NEO1: variants seen among roughly 807,000 people sequenced by gnomAD.
NEO1 encodes neogenin.
In NEO1, 63 loss-of-function variants were observed where a neutral mutation model predicts 159.7. The observed-to-expected ratio is 0.39, with a 90% CI of 0.32 to 0.49. The LOEUF (loss-of-function observed/expected upper bound fraction) is 0.49. NEO1 is among the 20% of genes least tolerant of loss of function. NEO1 has a pLI of 0.85. For missense variants in NEO1, 1,615 were observed against 1,831.0 expected, an observed-to-expected ratio of 0.88 and a Z score of 2.15; for synonymous variants, 633 against 662.0, an observed-to-expected ratio of 0.96 and a Z score of 0.67.
At chr15:73,241,128 A>G (rs1444133582) in intron 8 of NEO1, among the ~76,000 whole-genome samples, 6 of 152,188 alleles carry the variant, frequency 3.9e-5, no homozygotes, top group Non-Finnish European at 8.8e-5. Context: ...CTGAGTTGCC[A>G]GAGATTTCAG....
chr15:73,210,407 A>T (rs985462203), intron 7 of NEO1, among the ~76,000 whole-genome samples: 5 of 152,226 alleles, frequency 3.3e-5, no homozygotes, highest in Non-Finnish European at 5.9e-5. Context: ...ATTGGCACCA[A>T]CCATCAAGGA....
At chr15:73,097,888 G>A (rs1458246551) in intron 1 of NEO1, among the ~76,000 whole-genome samples, 1 of 144,848 alleles carries the variant, frequency 6.9e-6, no homozygotes, top group African/African-American at 2.6e-5. Flanking sequence ...ATCATTACTA[G>A]GCCTTTTAAG....
chr15:73,187,079 T>G (rs1475641179), intron 7 of NEO1, among the ~76,000 whole-genome samples: 3 of 152,224 alleles, frequency 2.0e-5, no homozygotes, highest in Non-Finnish European at 2.9e-5. Context: ...ATTGTAAGAT[T>G]ATTACTGCAC....
chr15:73,201,120 A>C (rs778506749), intron 7 of NEO1, among the ~76,000 whole-genome samples: 4 of 151,838 alleles, frequency 2.6e-5, no homozygotes, highest in Middle Eastern at 3.2e-3. Context: ...CTTTATAAAT[A>C]ACTAACTTTT....
chr15:73,281,507 G>A (rs111425017), intron 22 of NEO1, among the ~76,000 whole-genome samples: 7 of 151,970 alleles, frequency 4.6e-5, no homozygotes, highest in South Asian at 2.1e-4. Context: ...CACCCGCCTC[G>A]GCCTCCCAAA....
Position 73,249,120 on chromosome 15 carries a change from C to A in NEO1, c.1667C>A (p.Thr556Asn). 6.2e-7 allele frequency: 1 copy of A among 1,614,120 alleles called. No homozygotes were observed. The highest frequency in any genetic ancestry group is 8.5e-7 in the Non-Finnish European group (1 of 1,179,994). The change falls in exon 10 of 29, where the codon ACT (threonine) becomes AAT (asparagine). Residue 556 changes from threonine to asparagine, a missense_variant. Transcript: ENST00000261908. ...RAYAASPTSI[T>N]VTWETPVSGN... ...TATGCAGCTTCGCCTACCTCCATCA[C>A]TGTTACGTGGGAAACACCAGTGTCT...
chr15:73,130,055 G>A (rs972352324), intron 4 of NEO1, among the ~76,000 whole-genome samples: 11 of 152,124 alleles, frequency 7.2e-5, no homozygotes, highest in Non-Finnish European at 1.5e-4. Context: ...GAGTGTGGTG[G>A]CGTGATCTCA....
intron 7 of NEO1, among the ~76,000 whole-genome samples, chr15:73,195,890 AC>A (rs765529964): frequency 1.3e-5 from 2 of 152,208 alleles, no homozygotes; most frequent in Non-Finnish European, 2.9e-5. Context: ...GGAAATAAAA[AC>A]TGCTTGAATT....
chr15:73,137,712 G>C (rs2031915825), intron 5 of NEO1, among the ~76,000 whole-genome samples: 2 of 152,186 alleles, frequency 1.3e-5, no homozygotes, highest in Admixed American at 1.3e-4. Flanking sequence ...GCCCAGGCTG[G>C]TCTCGAACTC....
chr15:73,135,602 A>G (rs1053354965), intron 4 of NEO1, among the ~76,000 whole-genome samples: 1 of 152,218 alleles, frequency 6.6e-6, no homozygotes, highest in African/African-American at 2.4e-5. Flanking sequence ...GGGCTGAAGG[A>G]AGTGAAATTG....
In NEO1 at chr15:73,302,828, G is replaced by C; in HGVS notation, c.*132G>C. The C allele has an allele frequency of 1.2e-6, 1 of 814,572 alleles. No individual in the cohort carries two copies. Among genetic ancestry groups the C allele is most frequent in the Non-Finnish European group, 2.0e-6 (1 of 503,186 alleles). 50.5% of individuals were successfully genotyped at this position (814,572 alleles called of 1,614,324 possible). ...AGAATGAGCCAGCAGACTGGCCAGC[G>C]CCTCTGTGTAGGGCTGGCTCCAGGC... On this transcript the variant is annotated 3_prime_UTR_variant, in exon 29 of 29. Transcript: ENST00000261908.
intron 22 of NEO1, among the ~76,000 whole-genome samples, chr15:73,278,524 G>A (rs1218258562): frequency 1.3e-5 from 2 of 152,132 alleles, no homozygotes; most frequent in African/African-American, 2.4e-5. Flanking sequence ...TCCAAACCAA[G>A]CCAAACAAAT....
intron 7 of NEO1, among the ~76,000 whole-genome samples, chr15:73,235,298 A>G (rs572052066): frequency 1.3e-5 from 2 of 152,204 alleles, no homozygotes; most frequent in Non-Finnish European, 2.9e-5. Context: ...CATGATTCTG[A>G]TGAAGTCTTT....
Position 73,252,944 on chromosome 15 carries a change from C to T in NEO1, c.1895-456C>T, listed in dbSNP as rs372236871. Among the ~76,000 whole-genome samples, 9 of 152,248 alleles carry T rather than the reference C, an allele frequency of 5.9e-5. No individual in the cohort carries two copies. In the East Asian group the frequency reaches 1.7e-3, roughly 29 times the overall value. On this transcript the variant is annotated intron_variant, in intron 11 of 28. Coordinates refer to ENST00000261908, the MANE Select transcript of NEO1 (RefSeq NM_002499.4). ...GGCAGAGGTTGCTGTGAGCCGACAT[C>T]ACGCCATTGTGCTCCAGCCTGGGCA...
chr15:73,097,057 C>G (rs1182699206), intron 1 of NEO1, among the ~76,000 whole-genome samples: 1 of 152,050 alleles, frequency 6.6e-6, no homozygotes, highest in Non-Finnish European at 1.5e-5. Context: ...CCCAGGAGGT[C>G]AAGGCTGCAG....
At position 73,122,411 on chromosome 15, in the gene NEO1, C is replaced by T. The variant is rs2071721200; in HGVS notation, c.449-114C>T. On this transcript the variant is annotated intron_variant, in intron 2 of 28. Transcript: ENST00000261908. ...AATTTCCATGGACTTTCTTCTCAACCCTGGTTCTGCCATATGTTGTAGCCA... is the reference window on the plus strand; with the variant it reads ...AATTTCCATGGACTTTCTTCTCAACTCTGGTTCTGCCATATGTTGTAGCCA... 15 of 938,244 alleles carry T rather than the reference C, an allele frequency of 1.6e-5. 1 individual carries two copies. The South Asian group carries it at 2.9e-4, about 18-fold the overall frequency. 58.1% of individuals were successfully genotyped at this position (938,244 alleles called of 1,614,324 possible).
intron 5 of NEO1, among the ~76,000 whole-genome samples, chr15:73,176,179 C>A (rs2035271553): frequency 6.6e-6 from 1 of 152,112 alleles, no homozygotes; most frequent in Non-Finnish European, 1.5e-5. Flanking sequence ...CAGAAATTAT[C>A]TTTAAAACAG....
intron 5 of NEO1, among the ~76,000 whole-genome samples, chr15:73,139,338 T>C (rs1461936989): frequency 6.6e-6 from 1 of 152,054 alleles, no homozygotes; most frequent in Non-Finnish European, 1.5e-5. Flanking sequence ...TGGATTGCAT[T>C]GAACTGAGAC....
At chr15:73,147,454 C>T (rs999582805) in intron 5 of NEO1, among the ~76,000 whole-genome samples, 1 of 152,182 alleles carries the variant, frequency 6.6e-6, no homozygotes. Context: ...CCAGTCACAC[C>T]CCATTCCTCA....
Sources: allele counts gnomAD v4.1 joint callset (sites outside exome capture counted in the v4.1 genomes callset), GRCh38; gene constraint gnomAD v4.1.1; transcripts MANE v1.5; gene names NCBI Gene and HGNC (gene_info 2026-07-23, HGNC 2026-07-21).